The following ARHGAP40 variants were observed in gnomAD, a reference collection of about 807,000 sequenced individuals.
The protein encoded by ARHGAP40 is rho GTPase-activating protein 40.
Under a neutral mutation model 73.5 loss-of-function variants are expected in ARHGAP40, and 43 were observed. That is an observed-to-expected ratio of 0.58 (90% confidence interval 0.46 to 0.75). The LOEUF is 0.75. Ranked by LOEUF, ARHGAP40 falls within the 30% of genes least tolerant of loss-of-function variation. The pLI, the probability that ARHGAP40 is intolerant of heterozygous loss-of-function variation, is 0.00. For synonymous variants in ARHGAP40, 300 were observed against 352.8 expected (o/e 0.85, Z 1.68); for missense variants, 734 against 861.8 (o/e 0.85, Z 1.86).
intron 1 of ARHGAP40, among the ~76,000 whole-genome samples, chr20:38,618,235 G>C (rs2088854166): frequency 6.6e-6 from 1 of 151,992 alleles, no homozygotes. Context: ...GAGTAGCTGG[G>C]ATTCCAGGCG....
At chr20:38,618,830 G>A (rs1337190572) in intron 1 of ARHGAP40, among the ~76,000 whole-genome samples, 1 of 152,144 alleles carries the variant, frequency 6.6e-6, no homozygotes, top group Non-Finnish European at 1.5e-5. Context: ...AAGTCTCATC[G>A]CTCGACCTCT....
chr20:38,623,660 T>G, intron 2 of ARHGAP40, 102 bp downstream of exon 2: 2 of 993,558 alleles, frequency 2.0e-6, no homozygotes, highest in East Asian at 6.3e-5. Flanking sequence ...TGACAGCATT[T>G]TCTCTGTTGC....
At chr20:38,621,860 C>T (rs2088875356) in intron 1 of ARHGAP40, among the ~76,000 whole-genome samples, 1 of 152,118 alleles carries the variant, frequency 6.6e-6, no homozygotes. Context: ...TCGAGAACAG[C>T]CTGGGTAACA....
intron 1 of ARHGAP40, among the ~76,000 whole-genome samples, chr20:38,617,019 C>T (rs184047276): frequency 1.4e-3 from 209 of 152,296 alleles, no homozygotes; most frequent in Non-Finnish European, 2.1e-3. Context: ...AGTCTCGGCT[C>T]ACTGCAACCT....
chr20:38,610,894 TC>T (rs1555890055), intron 1 of ARHGAP40, among the ~76,000 whole-genome samples: 1 of 148,262 alleles, frequency 6.7e-6, no homozygotes, highest in Non-Finnish European at 1.5e-5. Context: ...TTTTTTTTTT[TC>T]TTTTTTTTTT....
At chr20:38,623,711 C>T (rs1161584697) in intron 2 of ARHGAP40, among the ~76,000 whole-genome samples, 153 bp downstream of exon 2, 1 of 152,226 alleles carries the variant, frequency 6.6e-6, no homozygotes, top group Non-Finnish European at 1.5e-5. Context: ...CTCCCTGCTT[C>T]ACCCGTGATC....
intron 1 of ARHGAP40, among the ~76,000 whole-genome samples, chr20:38,608,371 C>A (rs1263347646): frequency 1.3e-5 from 2 of 152,200 alleles, no homozygotes; most frequent in East Asian, 1.9e-4. Flanking sequence ...GCCCACTCCC[C>A]CTTTTGTTCT....
At chr20:38,605,703 C>T (rs1233240595) in intron 1 of ARHGAP40, among the ~76,000 whole-genome samples, 1 of 152,168 alleles carries the variant, frequency 6.6e-6, no homozygotes, top group East Asian at 1.9e-4. Context: ...AAGTGTACAT[C>T]CTATAGGATT....
intron 1 of ARHGAP40, among the ~76,000 whole-genome samples, chr20:38,606,018 C>T (rs2088769016): frequency 6.6e-6 from 1 of 152,090 alleles, no homozygotes. Flanking sequence ...TGCACCACCA[C>T]GCCTAGCTAT....
chr20:38,614,830 T>A, intron 1 of ARHGAP40: 1 of 757,022 alleles, frequency 1.3e-6, no homozygotes. Flanking sequence ...TTCAAAAGTG[T>A]CTCTAGAGCT....
Position 38,648,676 on chromosome 20 carries a change from C to CT in ARHGAP40, c.1915dup (p.Tyr639LeufsTer2). Reference sequence around the variant, plus strand: ...CCATGGAGTCAGCCAACATCCTCCTCTATGAAGTTGGAGGGAATATCAGTA... The same window carrying CT: ...CCATGGAGTCAGCCAACATCCTCCTCTTATGAAGTTGGAGGGAATATCAGTA... On this transcript the variant is annotated frameshift_variant, in exon 14 of 15. Coordinates refer to ENST00000373345, the Ensembl canonical transcript of ARHGAP40. LOFTEE classifies it high-confidence loss of function. The CT allele has an allele frequency of 2.3e-6, 3 of 1,305,760 alleles. No individual in the cohort carries two copies. The allele number at this position is 1,305,760 out of a possible 1,614,324, so 80.9% of individuals were successfully genotyped here. A position where few individuals can be genotyped will look rare whatever the true frequency, so the allele number is the denominator to read the frequency against.
intron 9 of ARHGAP40, among the ~76,000 whole-genome samples, chr20:38,640,170 C>CTTTT (rs2089008294): frequency 7.2e-6 from 1 of 138,680 alleles, no homozygotes; most frequent in Non-Finnish European, 1.5e-5. Context: ...CTTCTTTCTT[C>CTTTT]TTCTTTCTTC....
At chr20:38,638,166 T>C (rs576405098) in intron 7 of ARHGAP40, among the ~76,000 whole-genome samples, 11 of 133,688 alleles carry the variant, frequency 8.2e-5, no homozygotes, top group African/African-American at 2.4e-4. Flanking sequence ...AAAAAAAAAA[T>C]TAGCCGGGTG....
intron 1 of ARHGAP40, among the ~76,000 whole-genome samples, chr20:38,619,961 A>G (rs1010854091): frequency 6.6e-6 from 1 of 152,116 alleles, no homozygotes; most frequent in Admixed American, 6.5e-5. Flanking sequence ...AATTCTAGCT[A>G]CTTGGGGGGC....
exon 3 of ARHGAP40, chr20:38,627,158 A>G (rs1340882136): frequency 7.7e-7 from 1 of 1,305,340 alleles, no homozygotes; most frequent in Non-Finnish European, 1.0e-6. Flanking sequence ...CAGTGCGAAG[A>G]CAACACAAGA....
chr20:38,642,262 A>G (rs2089023413), intron 10 of ARHGAP40, among the ~76,000 whole-genome samples: 1 of 152,186 alleles, frequency 6.6e-6, no homozygotes, highest in Non-Finnish European at 1.5e-5. Flanking sequence ...TGTTCCATGC[A>G]GAACCAGTTT....
chr20:38,605,393 GA>G (rs1205579743), intron 1 of ARHGAP40, among the ~76,000 whole-genome samples: 1 of 152,172 alleles, frequency 6.6e-6, no homozygotes, highest in Non-Finnish European at 1.5e-5. Context: ...TGAAAGGCCT[GA>G]GCAGGGATGA....
intron 6 of ARHGAP40, among the ~76,000 whole-genome samples, chr20:38,636,843 T>G (rs2088978154): frequency 6.6e-6 from 1 of 152,136 alleles, no homozygotes; most frequent in Non-Finnish European, 1.5e-5. Flanking sequence ...TTGGTTTGTT[T>G]TGGTTTGGTT....
chr20:38,611,648 G>A (rs1412770660), intron 1 of ARHGAP40, among the ~76,000 whole-genome samples: 1 of 151,840 alleles, frequency 6.6e-6, no homozygotes, highest in Non-Finnish European at 1.5e-5. Context: ...CACCATCTTG[G>A]CTCTCTGCAA....
Sources: allele counts gnomAD v4.1 joint callset (sites outside exome capture counted in the v4.1 genomes callset), GRCh38; gene constraint gnomAD v4.1.1; transcripts MANE v1.5; gene names NCBI Gene and HGNC (gene_info 2026-07-23, HGNC 2026-07-21).